XKR6: variants seen among roughly 807,000 people sequenced by gnomAD.
The protein encoded by XKR6 is XK related 6.
A neutral mutation model predicts 56.7 loss-of-function variants in XKR6; 22 were observed. The ratio of observed to expected loss-of-function variants is 0.39; its 90% CI spans 0.28 to 0.55. The LOEUF (loss-of-function observed/expected upper bound fraction) is 0.55, where lower values mean the gene tolerates loss of function less well. Among genes scored for constraint, XKR6 ranks in the 20% least tolerant of loss-of-function variants. The pLI, the probability that XKR6 is intolerant of heterozygous loss-of-function variation, is 0.66. For missense variants in XKR6, 852 were observed against 889.0 expected (o/e 0.96, Z 0.53); for synonymous variants, 524 against 387.8 (o/e 1.35, Z -4.13).
intron 1 of XKR6, among the ~76,000 whole-genome samples, chr8:10,952,239 G>A (rs1312908046): frequency 6.6e-6 from 1 of 152,124 alleles, no homozygotes; most frequent in Admixed American, 6.5e-5. Context: ...TTCCCGCTCT[G>A]AAGTGATTGG....
Position 11,130,609 on chromosome 8 carries a change from C to A in XKR6, c.764+69967G>T, listed in dbSNP as rs367814814. Among the ~76,000 whole-genome samples the A allele has an allele frequency of 4.2e-4, 64 of 151,408 alleles. 1 individual carries two copies. Among genetic ancestry groups the A allele is most frequent in the African/African-American group, 1.4e-3 (57 of 41,270 alleles). Reference sequence around the variant, plus strand: ...GGCTAAGACGGCCTTTTCTCCCTCGCCGGTTTTTTTTTTTTTTAAGTTAAC... The same window carrying A: ...GGCTAAGACGGCCTTTTCTCCCTCGACGGTTTTTTTTTTTTTTAAGTTAAC... On this transcript the variant is annotated intron_variant, in intron 1 of 2. Transcript: ENST00000416569.
chr8:11,187,858 G>A (rs1412923043), intron 1 of XKR6, among the ~76,000 whole-genome samples: 1 of 152,134 alleles, frequency 6.6e-6, no homozygotes, highest in Non-Finnish European at 1.5e-5. Flanking sequence ...AACCCAGGAT[G>A]AACATGTCCC....
At chr8:11,121,126 G>A (rs1285404259) in intron 1 of XKR6, among the ~76,000 whole-genome samples, 1 of 152,114 alleles carries the variant, frequency 6.6e-6, no homozygotes, top group African/African-American at 2.4e-5. Context: ...CATAGGCATG[G>A]GTGAGGACTT....
chr8:10,966,185 A>G (rs1167065668), intron 1 of XKR6, among the ~76,000 whole-genome samples: 1 of 152,132 alleles, frequency 6.6e-6, no homozygotes, highest in African/African-American at 2.4e-5. Context: ...AACACTGACT[A>G]AGAAACACAG....
chr8:11,023,949 G>C (rs1365580818), intron 1 of XKR6, among the ~76,000 whole-genome samples: 3 of 152,200 alleles, frequency 2.0e-5, no homozygotes, highest in African/African-American at 4.8e-5. Context: ...GAGAAGAATA[G>C]GGTGGGGGAA....
Position 11,150,004 on chromosome 8 carries a change from T to A in XKR6, c.764+50572A>T, listed in dbSNP as rs141606737. 2.9e-3 allele frequency among the ~76,000 whole-genome samples: 438 copies of A among 152,296 alleles called. 4 individuals are homozygous for A. The highest frequency in any genetic ancestry group is 9.8e-3 in the African/African-American group (406 of 41,546). ...AAGACAAATATTGCATGTACTCACA[T>A]GTGGGAGCTAAAAAATTGATCTCAT... On this transcript the variant is annotated intron_variant, in intron 1 of 2. Coordinates refer to ENST00000416569, the MANE Select transcript of XKR6 (RefSeq NM_173683.4).
intron 1 of XKR6, among the ~76,000 whole-genome samples, chr8:10,965,781 T>C (rs1295710691): frequency 2.0e-5 from 3 of 152,256 alleles, no homozygotes; most frequent in Admixed American, 1.3e-4. Flanking sequence ...GTGAGAACGA[T>C]TGAACAGATG....
chr8:10,951,605 A>C (rs1199374609), intron 1 of XKR6, among the ~76,000 whole-genome samples: 1 of 152,240 alleles, frequency 6.6e-6, no homozygotes, highest in African/African-American at 2.4e-5. Context: ...CTTCACCTGC[A>C]GAATGGGAAG....
At chr8:10,997,039 C>A (rs1374498198) in intron 1 of XKR6, among the ~76,000 whole-genome samples, 1 of 152,184 alleles carries the variant, frequency 6.6e-6, no homozygotes, top group African/African-American at 2.4e-5. Flanking sequence ...CATCAACAAA[C>A]ACACACACAT....
chr8:10,977,644 G>C (rs979853794), intron 1 of XKR6, among the ~76,000 whole-genome samples: 8 of 149,190 alleles, frequency 5.4e-5, no homozygotes, highest in African/African-American at 2.0e-4. Flanking sequence ...AGAGACAGAT[G>C]AGTGCTAATG....
intron 1 of XKR6, among the ~76,000 whole-genome samples, chr8:10,945,838 G>A (rs1158769993): frequency 6.6e-6 from 1 of 152,160 alleles, no homozygotes; most frequent in Non-Finnish European, 1.5e-5. Flanking sequence ...CGAGAGCTGG[G>A]TGGTGTGCAG....
chr8:11,110,925 C>T (rs1202338727), intron 1 of XKR6, among the ~76,000 whole-genome samples: 2 of 151,900 alleles, frequency 1.3e-5, no homozygotes, highest in African/African-American at 4.8e-5. Context: ...CAAGCTCCGC[C>T]TCCCAGGTTC....
intron 1 of XKR6, among the ~76,000 whole-genome samples, chr8:11,094,064 G>A (rs534358376): frequency 4.5e-4 from 64 of 143,160 alleles, no homozygotes; most frequent in African/African-American, 1.5e-3. Flanking sequence ...GATTACAGGC[G>A]TGAGCCACCG....
rs1034619999 is a variant in XKR6, at chr8:11,014,389, T to G, written c.765-89559A>C. ...TTTCTAAAGGAAAACTATTAACCTGTGCTGGCCTGTGAATGATCCTTCCGT... is the reference window on the plus strand; with the variant it reads ...TTTCTAAAGGAAAACTATTAACCTGGGCTGGCCTGTGAATGATCCTTCCGT... On this transcript the variant is annotated intron_variant, in intron 1 of 2. Coordinates refer to ENST00000416569, the MANE Select transcript of XKR6 (RefSeq NM_173683.4). 2.6e-5 allele frequency among the ~76,000 whole-genome samples: 4 copies of G among 152,194 alleles called. No homozygotes were observed. In the East Asian group the frequency reaches 7.7e-4, roughly 29 times the overall value.
intron 1 of XKR6, chr8:11,113,968 T>C: frequency 3.0e-6 from 1 of 337,182 alleles, no homozygotes; most frequent in South Asian, 2.3e-5. Flanking sequence ...TCTCGCTGGC[T>C]TTGCCATTTA....
intron 1 of XKR6, among the ~76,000 whole-genome samples, chr8:10,972,055 C>T (rs948948246): frequency 6.6e-6 from 1 of 152,190 alleles, no homozygotes; most frequent in Non-Finnish European, 1.5e-5. Context: ...ATCAGTATCT[C>T]GGACCTGTTG....
intron 1 of XKR6, among the ~76,000 whole-genome samples, chr8:11,175,913 G>GTT (rs1391472105): frequency 6.6e-6 from 1 of 152,074 alleles, no homozygotes; most frequent in African/African-American, 2.4e-5. Context: ...AAGAATACAG[G>GTT]TTAGCAACTT....
chr8:10,913,284 C>T lies in XKR6; in HGVS notation c.961+11350G>A, dbSNP rs113023255. 2.0e-3 allele frequency among the ~76,000 whole-genome samples: 304 copies of T among 152,094 alleles called. 1 individual carries two copies. The highest frequency in any genetic ancestry group is 6.9e-3 in the African/African-American group (288 of 41,452). On this transcript the variant is annotated intron_variant, in intron 2 of 2. Coordinates refer to ENST00000416569, the MANE Select transcript of XKR6 (RefSeq NM_173683.4). ...AGGACAGAGATCCATCTGCCTTTTT[C>T]GCCTCTGTACCCCCAGAGTCTGGCC...
intron 1 of XKR6, among the ~76,000 whole-genome samples, chr8:11,128,075 C>A (rs965598188): frequency 2.0e-5 from 3 of 152,158 alleles, no homozygotes. Context: ...AAAATCTTTA[C>A]GGCTTTACCA....
Sources: allele counts gnomAD v4.1 joint callset (sites outside exome capture counted in the v4.1 genomes callset), GRCh38; gene constraint gnomAD v4.1.1; transcripts MANE v1.5; gene names NCBI Gene and HGNC (gene_info 2026-07-23, HGNC 2026-07-21).